Variants in PRLH observed in about 807,000 individuals in gnomAD.
The protein encoded by PRLH is prolactin releasing hormone.
In PRLH, 6 loss-of-function variants were observed where a neutral mutation model predicts 3.2. That is an observed-to-expected ratio of 1.86 (90% CI 1.02 to 3.66). The LOEUF (loss-of-function observed/expected upper bound fraction) is 3.66, where lower values mean the gene tolerates loss of function less well. PRLH is among the 30% of genes most tolerant of loss of function. The pLI is 0.00. For missense variants in PRLH, 145 were observed against 122.6 expected (o/e 1.18, Z -0.86); for synonymous variants, 65 against 51.1 (o/e 1.27, Z -1.16).
In PRLH at chr2:237,567,093, G is replaced by A. The variant is rs146226371; in HGVS notation, c.182G>A (p.Gly61Glu). Residue 61 changes from glycine to glutamate, a missense_variant, in exon 2 of 2, where the codon GGG becomes GAG. Transcript: ENST00000165524. ...TTCGGTCGGAGGAGGGCAACCCTGG[G>A]GGACGTCCCCAAGCCTGGCCTGCGA... ...GRFGRRRATL[G>E]DVPKPGLRPR... The A allele has an allele frequency of 6.2e-7, 1 of 1,614,020 alleles. No homozygotes were observed. The highest frequency in any genetic ancestry group is 1.3e-5 in the African/African-American group (1 of 74,932).
intron 1 of PRLH, 94 bp downstream of exon 1, chr2:237,566,767 G>A (rs745848617): frequency 2.4e-5 from 31 of 1,293,418 alleles, no homozygotes; most frequent in East Asian, 1.3e-4. Context: ...TGGCAGGAAC[G>A]GGGTGCGCGG....
Position 237,567,151 on chromosome 2 carries a change from T to A in PRLH, c.240T>A (p.Gly80=). The A allele has an allele frequency of 6.2e-7, 1 of 1,612,186 alleles. No homozygotes were observed. Among genetic ancestry groups the A allele is most frequent in the South Asian group, 1.1e-5 (1 of 90,980 alleles). ...TGACCTGCTTCCCCCTGGAAGGCGGTGCTATGTCGTCCCAGGATGGCTGAC... is the reference window on the plus strand; with the variant it reads ...TGACCTGCTTCCCCCTGGAAGGCGGAGCTATGTCGTCCCAGGATGGCTGAC... ...PRLTCFPLEG[G]AMSSQDG The change falls in exon 2 of 2, where the codon GGT becomes GGA. Residue 80 remains glycine, a synonymous_variant. Transcript: ENST00000165524.
In PRLH at chr2:237,567,087, C is replaced by A; in HGVS notation, c.176C>A (p.Thr59Asn). 1 of 1,614,160 alleles carries A rather than the reference C, an allele frequency of 6.2e-7. No homozygotes were observed. The highest frequency in any genetic ancestry group is 8.5e-7 in the Non-Finnish European group (1 of 1,180,016). Residue 59 changes from threonine (T) to asparagine (N), a missense_variant, in exon 2 of 2, where the codon ACC becomes AAC. Physicochemically the swap from Thr to Asn is moderately conservative, Grantham distance 65. Coordinates refer to ENST00000165524, the MANE Select transcript of PRLH (RefSeq NM_015893.1). The part of the protein sequence containing the change: ...PVGRFGRRRA[T>N]LGDVPKPGLR... ...GGCCGCTTCGGTCGGAGGAGGGCAACCCTGGGGGACGTCCCCAAGCCTGGC... is the reference window on the plus strand; with the variant it reads ...GGCCGCTTCGGTCGGAGGAGGGCAAACCTGGGGGACGTCCCCAAGCCTGGC...
chr2:237,566,626 T>A lies in PRLH; in HGVS notation c.53T>A (p.Leu18Gln), dbSNP rs1171209535. 1 of 1,577,414 alleles carries A rather than the reference T, an allele frequency of 6.3e-7. No homozygotes were observed. Residue 18 changes from leucine to glutamine, a missense_variant, in exon 1 of 2, where the codon CTG (leucine) becomes CAG (glutamine). Coordinates refer to ENST00000165524, the MANE Select transcript of PRLH (RefSeq NM_015893.1). ...TGCCTGCTGATGCTGGGCCTGGCCC[T>A]GCGGGGAGCTGCAAGTCGTACCCAT... ...LLCLLMLGLA[L>Q]RGAASRTHRH... is the part of the protein sequence containing the mutation.
chr2:237,567,159 C>A lies in PRLH; in HGVS notation c.248C>A (p.Ser83Ter). 1 of 1,610,720 alleles carries A rather than the reference C, an allele frequency of 6.2e-7. No homozygotes were observed. The highest frequency in any genetic ancestry group is 8.5e-7 in the Non-Finnish European group (1 of 1,177,540). The change falls in exon 2 of 2, where the codon TCG (serine) becomes TAG (stop). Residue 83 changes from serine (S) to a stop codon, truncating the protein, a stop_gained. Coordinates refer to ENST00000165524, the MANE Select transcript of PRLH (RefSeq NM_015893.1). LOFTEE classifies it high-confidence loss of function. ...TCFPLEGGAM[S>*]SQDG ...TTCCCCCTGGAAGGCGGTGCTATGT[C>A]GTCCCAGGATGGCTGACAGCCAGCT...
In PRLH at chr2:237,567,019, C is replaced by T. The variant is rs1296190191; in HGVS notation, c.108C>T (p.Asp36=). 2.5e-6 allele frequency: 4 copies of T among 1,614,048 alleles called. No homozygotes were observed. The highest frequency in any genetic ancestry group is 3.4e-6 in the Non-Finnish European group (4 of 1,179,984). The change falls in exon 2 of 2, where the codon GAC becomes GAT. Residue 36 remains aspartate, a synonymous_variant. Transcript: ENST00000165524. ...CAGCTCTTTCCTTTCCAGCCCCTGACATCAATCCTGCCTGGTACGCCAGTC... is the reference window on the plus strand; with the variant it reads ...CAGCTCTTTCCTTTCCAGCCCCTGATATCAATCCTGCCTGGTACGCCAGTC... ...HRHSMEIRTP[D]INPAWYASRG...
In PRLH at chr2:237,566,599, T is replaced by G. The variant is rs754878996; in HGVS notation, c.26T>G (p.Leu9Arg). 1 of 1,579,406 alleles carries G rather than the reference T, an allele frequency of 6.3e-7. No homozygotes were observed. Among genetic ancestry groups the G allele is most frequent in the East Asian group, 2.3e-5 (1 of 43,566 alleles). ...ATGAAGGTGCTGAGGGCCTGGCTCC[T>G]GTGCCTGCTGATGCTGGGCCTGGCC... MKVLRAWL[L>R]CLLMLGLALR... The change falls in exon 1 of 2, where the codon CTG becomes CGG. Residue 9 changes from leucine to arginine, a missense_variant. Coordinates refer to ENST00000165524, the MANE Select transcript of PRLH (RefSeq NM_015893.1).
Position 237,567,027 on chromosome 2 carries a change from C to T in PRLH, c.116C>T (p.Pro39Leu), listed in dbSNP as rs202225879. 10 of 1,614,094 alleles carry T rather than the reference C, an allele frequency of 6.2e-6. No homozygotes were observed. In the East Asian group the frequency reaches 1.8e-4, roughly 29 times the overall value. ...SMEIRTPDIN[P>L]AWYASRGIRP... ...TCCTTTCCAGCCCCTGACATCAATCCTGCCTGGTACGCCAGTCGCGGGATC... is the reference window on the plus strand; with the variant it reads ...TCCTTTCCAGCCCCTGACATCAATCTTGCCTGGTACGCCAGTCGCGGGATC... The change falls in exon 2 of 2, where the codon CCT (proline) becomes CTT (leucine). Residue 39 changes from proline to leucine, a missense_variant. Coordinates refer to ENST00000165524, the MANE Select transcript of PRLH (RefSeq NM_015893.1).
Position 237,567,015 on chromosome 2 carries a change from C to T in PRLH, c.104C>T (p.Pro35Leu), listed in dbSNP as rs1338109149. The T allele has an allele frequency of 1.9e-6, 3 of 1,613,988 alleles. No homozygotes were observed. Among genetic ancestry groups the T allele is most frequent in the Non-Finnish European group, 2.5e-6 (3 of 1,179,972 alleles). Residue 35 changes from proline (P) to leucine (L), a missense_variant, in exon 2 of 2, where the codon CCT becomes CTT. By Grantham distance (98) the Pro-to-Leu change is moderately conservative. Coordinates refer to ENST00000165524, the MANE Select transcript of PRLH (RefSeq NM_015893.1). ...THRHSMEIRT[P>L]DINPAWYASR... ...GCTCCAGCTCTTTCCTTTCCAGCCCCTGACATCAATCCTGCCTGGTACGCC... is the reference window on the plus strand; with the variant it reads ...GCTCCAGCTCTTTCCTTTCCAGCCCTTGACATCAATCCTGCCTGGTACGCC...
At position 237,567,076 on chromosome 2, in the gene PRLH, G is replaced by C. The variant is rs1159626389; in HGVS notation, c.165G>C (p.Arg55=). ...TCAGGCCTGTGGGCCGCTTCGGTCGGAGGAGGGCAACCCTGGGGGACGTCC... is the reference window on the plus strand; with the variant it reads ...TCAGGCCTGTGGGCCGCTTCGGTCGCAGGAGGGCAACCCTGGGGGACGTCC... ...RGIRPVGRFG[R]RRATLGDVPK... The change falls in exon 2 of 2, where the codon CGG becomes CGC. Residue 55 remains arginine, a synonymous_variant. Transcript: ENST00000165524. The C allele has an allele frequency of 6.2e-7, 1 of 1,614,122 alleles. No individual in the cohort carries two copies. The highest frequency in any genetic ancestry group is 1.1e-5 in the South Asian group (1 of 91,088).
chr2:237,566,770 G>T, intron 1 of PRLH, 97 bp downstream of exon 1: 1 of 1,278,554 alleles, frequency 7.8e-7, no homozygotes, highest in Non-Finnish European at 1.1e-6. Context: ...CAGGAACGGG[G>T]TGCGCGGGAG....
In PRLH at chr2:237,567,135, T is replaced by G. The variant is rs761789426; in HGVS notation, c.224T>G (p.Phe75Cys). Residue 75 changes from phenylalanine (F) to cysteine (C), a missense_variant, in exon 2 of 2, where the codon TTC becomes TGC. Transcript: ENST00000165524. ...GGCCTGCGACCCCGGCTGACCTGCT[T>G]CCCCCTGGAAGGCGGTGCTATGTCG... ...KPGLRPRLTCFPLEGGAMSSQ... is the reference protein window; with the variant it reads ...KPGLRPRLTCCPLEGGAMSSQ... 40 of 1,613,800 alleles carry G rather than the reference T, an allele frequency of 2.5e-5. No homozygotes were observed. The highest frequency in any genetic ancestry group is 3.3e-5 in the Non-Finnish European group (39 of 1,179,884).
In PRLH at chr2:237,567,123, G is replaced by A. The variant is rs749139542; in HGVS notation, c.212G>A (p.Arg71Gln). The A allele has an allele frequency of 2.7e-5, 44 of 1,613,846 alleles. No individual in the cohort carries two copies. The highest frequency in any genetic ancestry group is 8.0e-5 in the African/African-American group (6 of 74,930). ...GDVPKPGLRP[R>Q]LTCFPLEGGA... ...GTCCCCAAGCCTGGCCTGCGACCCC[G>A]GCTGACCTGCTTCCCCCTGGAAGGC... is the stretch of plus-strand genomic sequence containing the variant. The change falls in exon 2 of 2, where the codon CGG (arginine) becomes CAG (glutamine). Residue 71 changes from arginine to glutamine, a missense_variant. Physicochemically the swap from Arg to Gln is conservative, Grantham distance 43. Transcript: ENST00000165524.
intron 1 of PRLH, 146 bp from the exon 2 acceptor site, chr2:237,566,866 G>C (rs1363079206): frequency 1.6e-6 from 2 of 1,282,880 alleles, no homozygotes; most frequent in Non-Finnish European, 2.2e-6. Flanking sequence ...CAGAACCTCT[G>C]GGTGCCTGTT....
rs781544659 is a variant in PRLH at position 237,567,071 on chromosome 2, G to C, written c.160G>C (p.Gly54Arg). 5 of 1,614,062 alleles carry C rather than the reference G, an allele frequency of 3.1e-6. No individual in the cohort carries two copies. The highest frequency in any genetic ancestry group is 1.3e-5 in the African/African-American group (1 of 75,072). The part of the protein sequence containing the change: ...SRGIRPVGRF[G>R]RRRATLGDVP... ...CGGGATCAGGCCTGTGGGCCGCTTC[G>C]GTCGGAGGAGGGCAACCCTGGGGGA... Residue 54 changes from glycine to arginine, a missense_variant, in exon 2 of 2, where the codon GGT becomes CGT. Transcript: ENST00000165524.
At chr2:237,566,724 C>T in intron 1 of PRLH, 51 bp downstream of exon 1, 1 of 1,507,512 alleles carries the variant, frequency 6.6e-7, no homozygotes. Flanking sequence ...TGCCTCACCC[C>T]AGAACCTAGT....
rs896994867 is a variant in PRLH, at chr2:237,566,904, C to T, written c.101-108C>T. ...TCGGGTGGCTCCCAGCATGGCCTGGCGACTGGGCTGAGAGGCCCTGCCTGT... is the reference window on the plus strand; with the variant it reads ...TCGGGTGGCTCCCAGCATGGCCTGGTGACTGGGCTGAGAGGCCCTGCCTGT... On this transcript the variant is annotated intron_variant, in intron 1 of 1. Transcript: ENST00000165524. 14 of 1,496,076 alleles carry T rather than the reference C, an allele frequency of 9.4e-6. No individual in the cohort carries two copies. In the Admixed American group the frequency reaches 1.4e-4, roughly 15 times the overall value. The allele number at this position is 1,496,076 out of a possible 1,614,324, so 92.7% of individuals were successfully genotyped here.
Position 237,567,163 on chromosome 2 carries a change from C to T in PRLH, c.252C>T (p.Ser84=), listed in dbSNP as rs1198453370. ...CCCTGGAAGGCGGTGCTATGTCGTC[C>T]CAGGATGGCTGACAGCCAGCTTGTC... The part of the protein sequence containing the change: ...CFPLEGGAMS[S]QDG The change falls in exon 2 of 2, where the codon TCC becomes TCT. Residue 84 remains serine, a synonymous_variant. Transcript: ENST00000165524. 3 of 1,607,582 alleles carry T rather than the reference C, an allele frequency of 1.9e-6. No individual in the cohort carries two copies. Among genetic ancestry groups the T allele is most frequent in the Non-Finnish European group, 2.6e-6 (3 of 1,175,174 alleles).
At position 237,566,607 on chromosome 2, in the gene PRLH, C is replaced by A. The variant is rs146528502; in HGVS notation, c.34C>A (p.Leu12Met). 5.8e-4 allele frequency: 917 copies of A among 1,581,236 alleles called. No homozygotes were observed. Among genetic ancestry groups the A allele is most frequent in the Non-Finnish European group, 7.4e-4 (865 of 1,165,148 alleles). The change falls in exon 1 of 2, where the codon CTG becomes ATG. Residue 12 changes from leucine to methionine, a missense_variant. Transcript: ENST00000165524. ...GCTGAGGGCCTGGCTCCTGTGCCTG[C>A]TGATGCTGGGCCTGGCCCTGCGGGG... ...KVLRAWLLCL[L>M]MLGLALRGAA...
Sources: allele counts gnomAD v4.1 joint callset, GRCh38; gene constraint gnomAD v4.1.1; transcripts MANE v1.5; gene names NCBI Gene and HGNC (gene_info 2026-07-23, HGNC 2026-07-21).